CNTNAP2: variants seen among roughly 807,000 people sequenced by gnomAD.
The protein encoded by CNTNAP2 is contactin-associated protein-like 2.
In CNTNAP2, 98 loss-of-function variants were observed where a neutral mutation model predicts 155.2. That is an observed-to-expected ratio of 0.63 (90% CI 0.54 to 0.75). The LOEUF is 0.75. CNTNAP2 is among the 30% of genes least tolerant of loss of function. The pLI is 0.00. For missense variants in CNTNAP2, 1,727 were observed against 1,688.1 expected, an observed-to-expected ratio of 1.02 and a Z score of -0.40; for synonymous variants, 651 against 631.2, an observed-to-expected ratio of 1.03 and a Z score of -0.47.
chr7:148,159,280 C>T (rs958749151), intron 17 of CNTNAP2, among the ~76,000 whole-genome samples: 8 of 152,218 alleles, frequency 5.3e-5, no homozygotes, highest in Middle Eastern at 3.4e-3. Context: ...CTCTCGCCAT[C>T]GCCGACACCC....
intron 8 of CNTNAP2, among the ~76,000 whole-genome samples, chr7:147,208,763 C>CA (rs1803073558): frequency 1.3e-5 from 2 of 151,618 alleles, no homozygotes; most frequent in South Asian, 4.2e-4. Flanking sequence ...CAATGTAATT[C>CA]AAAAAACAAT....
intron 1 of CNTNAP2, among the ~76,000 whole-genome samples, chr7:146,683,036 T>C (rs1800532277): frequency 6.7e-6 from 1 of 149,780 alleles, no homozygotes; most frequent in African/African-American, 2.6e-5. Context: ...GTATATAAAG[T>C]CTTTTTCTTT....
At chr7:146,591,407 G>GGAGCT (rs369781520) in intron 1 of CNTNAP2, among the ~76,000 whole-genome samples, 125,768 of 151,736 alleles carry the variant, frequency 0.83, 52,760 homozygotes, top group African/African-American at 0.9. Flanking sequence ...TGGTAAATGT[G>GGAGCT]GAATAATAAT....
At chr7:146,279,723 CAAAG>C (rs1420765282) in intron 1 of CNTNAP2, among the ~76,000 whole-genome samples, 4 of 151,582 alleles carry the variant, frequency 2.6e-5, no homozygotes, top group South Asian at 4.2e-4. Flanking sequence ...TAGTAGTCAT[CAAAG>C]AAATGCTAAT....
At chr7:148,260,884 G>C (rs1796547157) in intron 20 of CNTNAP2, among the ~76,000 whole-genome samples, 1 of 152,174 alleles carries the variant, frequency 6.6e-6, no homozygotes, top group Non-Finnish European at 1.5e-5. Context: ...AAAGCAGCCA[G>C]GCCTAAGTGC....
intron 2 of CNTNAP2, among the ~76,000 whole-genome samples, chr7:146,823,324 T>C (rs549391600): frequency 3.0e-4 from 45 of 148,340 alleles, no homozygotes; most frequent in African/African-American, 1.1e-3. Flanking sequence ...AATATACTCA[T>C]TCTTCAGTAT....
At chr7:147,527,240 GTCTCGA>G in intron 11 of CNTNAP2, among the ~76,000 whole-genome samples, 1 of 151,962 alleles carries the variant, frequency 6.6e-6, no homozygotes, top group African/African-American at 2.4e-5. Context: ...AGCCAGGATG[GTCTCGA>G]TCTCCTGACC....
chr7:147,721,019 C>T (rs1796559599), intron 13 of CNTNAP2, among the ~76,000 whole-genome samples: 1 of 152,016 alleles, frequency 6.6e-6, no homozygotes, highest in African/African-American at 2.4e-5. Context: ...ATTAATTCAA[C>T]AAGTATTTAT....
At chr7:147,981,469 C>T (rs1368056108) in intron 15 of CNTNAP2, among the ~76,000 whole-genome samples, 1 of 152,212 alleles carries the variant, frequency 6.6e-6, no homozygotes, top group African/African-American at 2.4e-5. Context: ...TTCAAACCTA[C>T]AGCTTATAAA....
At chr7:146,234,388 A>G (rs1799437033) in intron 1 of CNTNAP2, among the ~76,000 whole-genome samples, 1 of 152,134 alleles carries the variant, frequency 6.6e-6, no homozygotes, top group Non-Finnish European at 1.5e-5. Flanking sequence ...GTAGGTTGCA[A>G]AAATTTTCTC....
intron 2 of CNTNAP2, among the ~76,000 whole-genome samples, chr7:146,817,938 T>TA (rs909060210): frequency 3.3e-5 from 5 of 152,140 alleles, no homozygotes; most frequent in Non-Finnish European, 5.9e-5. Flanking sequence ...AGAAATTTGT[T>TA]AAAAAAAGAA....
chr7:147,640,122 A>G (rs909609149), intron 13 of CNTNAP2, among the ~76,000 whole-genome samples: 3 of 152,042 alleles, frequency 2.0e-5, no homozygotes, highest in African/African-American at 7.2e-5. Flanking sequence ...TTTTACCTTA[A>G]TTGACAAAAT....
At chr7:147,811,733 C>A (rs111922695) in intron 13 of CNTNAP2, among the ~76,000 whole-genome samples, 1 of 152,118 alleles carries the variant, frequency 6.6e-6, no homozygotes, top group Non-Finnish European at 1.5e-5. Flanking sequence ...ACATTTTACT[C>A]GCATTCTTGA....
At chr7:146,782,110 C>T (rs1802502053) in intron 2 of CNTNAP2, 1 of 152,094 alleles carries the variant, frequency 6.6e-6, no homozygotes, top group Non-Finnish European at 1.5e-5. Context: ...GAGATTCTGC[C>T]CTATTTTTGC....
intron 11 of CNTNAP2, among the ~76,000 whole-genome samples, chr7:147,554,373 A>T (rs994570265): frequency 2.7e-5 from 4 of 148,428 alleles, no homozygotes; most frequent in South Asian, 4.3e-4. Context: ...AGTATGGATT[A>T]TTTTTTTTTT....
intron 15 of CNTNAP2, among the ~76,000 whole-genome samples, chr7:148,021,776 A>G (rs1386050301): frequency 6.6e-6 from 1 of 152,340 alleles, no homozygotes; most frequent in East Asian, 1.9e-4. Context: ...CACCAAACTT[A>G]GACCTGGGAG....
At chr7:147,438,457 C>A (rs1797587022) in intron 10 of CNTNAP2, among the ~76,000 whole-genome samples, 1 of 151,748 alleles carries the variant, frequency 6.6e-6, no homozygotes, top group East Asian at 1.9e-4. Flanking sequence ...GGGATAAATC[C>A]CCCTTAGTCA....
intron 21 of CNTNAP2, among the ~76,000 whole-genome samples, chr7:148,324,238 C>T (rs1273605958): frequency 6.6e-6 from 1 of 152,090 alleles, no homozygotes; most frequent in African/African-American, 2.4e-5. Context: ...AGGCATCATA[C>T]ATAGGCAAGA....
intron 9 of CNTNAP2, among the ~76,000 whole-genome samples, chr7:147,319,401 A>G (rs1169670522): frequency 1.3e-5 from 2 of 152,122 alleles, no homozygotes; most frequent in African/African-American, 4.8e-5. Context: ...TTTTAAGACA[A>G]CAGTCTCACT....
Sources: allele counts gnomAD v4.1 joint callset (sites outside exome capture counted in the v4.1 genomes callset), GRCh38; gene constraint gnomAD v4.1.1; transcripts MANE v1.5; gene names NCBI Gene and HGNC (gene_info 2026-07-23, HGNC 2026-07-21).